TMEM132E: variants seen among roughly 807,000 people sequenced by gnomAD.
The protein encoded by TMEM132E is transmembrane protein 132E.
TMEM132E carries 49 observed loss-of-function variants against 78.5 expected under a neutral mutation model. That is an observed-to-expected ratio of 0.62 (90% CI 0.50 to 0.79). The LOEUF (loss-of-function observed/expected upper bound fraction) is 0.79, where lower values mean the gene tolerates loss of function less well. Ranked by LOEUF, TMEM132E falls within the 30% of genes least tolerant of loss-of-function variation. TMEM132E has a pLI of 0.00. For synonymous variants in TMEM132E, 715 were observed against 670.6 expected, an observed-to-expected ratio of 1.07 and a Z score of -1.02; for missense variants, 1,403 against 1,470.9, an observed-to-expected ratio of 0.95 and a Z score of 0.75.
At chr17:34,620,139 A>T (rs972712568) in intron 1 of TMEM132E, among the ~76,000 whole-genome samples, 2 of 152,128 alleles carry the variant, frequency 1.3e-5, no homozygotes, top group South Asian at 2.1e-4. Context: ...TTCCACAGAG[A>T]TTCATTTATG....
chr17:34,581,160 G>A lies in TMEM132E; in HGVS notation c.67+17G>A. 1 of 1,501,500 alleles carries A rather than the reference G, an allele frequency of 6.7e-7. No individual in the cohort carries two copies. The highest frequency in any genetic ancestry group is 1.4e-5 in the African/African-American group (1 of 69,556). 93.0% of individuals were successfully genotyped at this position (1,501,500 alleles called of 1,614,324 possible). A position where few individuals can be genotyped will look rare whatever the true frequency, so the allele number is the denominator to read the frequency against. On this transcript the variant is annotated intron_variant, in intron 1 of 8. Transcript: ENST00000631683. ...TCGCCCACGGTAAGTGTCGCGGCGC[G>A]GACTGGGGGTGAGGATGCGGCAGGC...
At position 34,638,257 on chromosome 17, in the gene TMEM132E, C is replaced by CT. The variant is rs768436787; in HGVS notation, c.*25_*26insT. On this transcript the variant is annotated 3_prime_UTR_variant, in exon 9 of 9. Transcript: ENST00000631683. The stretch of plus-strand genomic sequence containing the variant: ...GAGGCGCCAGCCGGAGTAGCAGGGA[C>CT]CCCCCCCCCCAACGGGGTCAGCTCG... 1.1e-4 allele frequency: 89 copies of CT among 785,168 alleles called. No homozygotes were observed. Among genetic ancestry groups the CT allele is most frequent in the Non-Finnish European group, 1.5e-4 (84 of 567,472 alleles). 48.6% of individuals were successfully genotyped at this position (785,168 alleles called of 1,614,324 possible). A position where few individuals can be genotyped will look rare whatever the true frequency, so the allele number is the denominator to read the frequency against.
At chr17:34,589,672 G>A (rs1005822833) in intron 1 of TMEM132E, among the ~76,000 whole-genome samples, 8 of 152,204 alleles carry the variant, frequency 5.3e-5, no homozygotes, top group African/African-American at 1.9e-4. Context: ...TGGGTTACCT[G>A]TTGCTCTGAC....
Position 34,615,559 on chromosome 17 carries a change from A to T in TMEM132E, c.68-10568A>T, listed in dbSNP as rs151218974. Among the ~76,000 whole-genome samples, 390 of 103,484 alleles carry T rather than the reference A, an allele frequency of 3.8e-3. 2 individuals carry two copies. Among genetic ancestry groups the T allele is most frequent in the African/African-American group, 0.012 (366 of 31,036 alleles). 67.9% of individuals were successfully genotyped at this position (103,484 alleles called of 152,430 possible). On this transcript the variant is annotated intron_variant, in intron 1 of 8. Transcript: ENST00000631683. ...TGTGTGTGTGTGTGTGTGTTAGCAC[A>T]ACCACCTCCCAGGGCCATCCCAGTC...
chr17:34,603,233 C>T lies in TMEM132E; in HGVS notation c.67+22090C>T, dbSNP rs1485049836. Among the ~76,000 whole-genome samples the T allele has an allele frequency of 5.3e-5, 8 of 152,118 alleles. No homozygotes were observed. In the South Asian group the frequency reaches 1.7e-3, roughly 32 times the overall value. On this transcript the variant is annotated intron_variant, in intron 1 of 8. Transcript: ENST00000631683. ...CTGGGGGATAAGGCAGTGTCTGTAT[C>T]AGATGTGTGTAACCTCAGATTCCTC... is the stretch of plus-strand genomic sequence containing the variant.
chr17:34,594,674 C>T (rs1226352281), intron 1 of TMEM132E, among the ~76,000 whole-genome samples: 3 of 152,132 alleles, frequency 2.0e-5, no homozygotes, highest in East Asian at 1.9e-4. Flanking sequence ...ACTGCAGCCT[C>T]GAACTCTTGG....
chr17:34,636,060 T>C lies in TMEM132E; in HGVS notation c.2031T>C (p.Thr677=). Residue 677 remains threonine, a synonymous_variant, in exon 8 of 9, where the codon ACT becomes ACC. Transcript: ENST00000631683. ...TCGGGGAGACGCTGCTGACGGTGAC[T>C]GAGGAGAAGGTCAGCATCACACAGC... ...AVLGETLLTV[T]EEKVSITQLQ... The C allele has an allele frequency of 6.3e-7, 1 of 1,578,832 alleles. No homozygotes were observed. The highest frequency in any genetic ancestry group is 8.6e-7 in the Non-Finnish European group (1 of 1,164,216).
Position 34,626,722 on chromosome 17 carries a change from C to G in TMEM132E, c.663C>G (p.Pro221=), listed in dbSNP as rs1907147669. 17 of 1,377,658 alleles carry G rather than the reference C, an allele frequency of 1.2e-5. No individual in the cohort carries two copies. In the South Asian group the frequency reaches 1.8e-4, roughly 15 times the overall value. 85.3% of individuals were successfully genotyped at this position (1,377,658 alleles called of 1,614,324 possible). A position where few individuals can be genotyped will look rare whatever the true frequency, so the allele number is the denominator to read the frequency against. The change falls in exon 2 of 9, where the codon CCC becomes CCG. Residue 221 remains proline (P), a synonymous_variant. Transcript: ENST00000631683. ...ARRKSPDGLE[P]EATGESQQAE... ...GCAAGTCCCCGGACGGGCTGGAGCC[C>G]GAGGCGACGGGGGAGAGCCAGCAGG...
intron 1 of TMEM132E, 146 bp downstream of exon 1, chr17:34,581,289 A>C (rs1597672355): frequency 1.1e-5 from 7 of 646,606 alleles, no homozygotes; most frequent in East Asian, 5.5e-5. Context: ...AGCTCGAGTT[A>C]CCGCCAGCCC....
At chr17:34,585,825 C>T (rs1351648990) in intron 1 of TMEM132E, among the ~76,000 whole-genome samples, 1 of 152,226 alleles carries the variant, frequency 6.6e-6, no homozygotes, top group Non-Finnish European at 1.5e-5. Context: ...TGACCTCCAG[C>T]TCTTTCAGTA....
At chr17:34,582,024 G>T (rs1905504306) in intron 1 of TMEM132E, among the ~76,000 whole-genome samples, 1 of 152,112 alleles carries the variant, frequency 6.6e-6, no homozygotes. Context: ...TCCAGGAGGC[G>T]AGGGGAGCAG....
chr17:34,626,431 G>T lies in TMEM132E; in HGVS notation c.372G>T (p.Trp124Cys). The T allele has an allele frequency of 6.2e-7, 1 of 1,613,380 alleles. No homozygotes were observed. The highest frequency in any genetic ancestry group is 8.5e-7 in the Non-Finnish European group (1 of 1,179,836). The change falls in exon 2 of 9, where the codon TGG becomes TGT. Residue 124 changes from tryptophan to cysteine, a missense_variant. This residue lies in a region of TMEM132E where 511 missense variants were observed against 499.0 expected (regional missense o/e 1.02). Transcript: ENST00000631683. The stretch of plus-strand genomic sequence containing the variant: ...TCCCCGAGCGCCTGACGGTGAACTG[G>T]AAGGTGCGGGCCTTCATCGTCCGCT... The part of the protein sequence containing the change: ...LDIPERLTVN[W>C]KVRAFIVRSH...
At chr17:34,626,036 TG>T in intron 1 of TMEM132E, 90 bp from the exon 2 acceptor site, 1 of 1,221,650 alleles carries the variant, frequency 8.2e-7, no homozygotes. Context: ...CAGCCCTCTG[TG>T]GGGTGGGAGA....
At chr17:34,636,508 A>G (rs775416533) in intron 8 of TMEM132E, among the ~76,000 whole-genome samples, 14 of 152,208 alleles carry the variant, frequency 9.2e-5, no homozygotes, top group Non-Finnish European at 1.6e-4. Context: ...TGGAGCCCCA[A>G]GTATACACCA....
chr17:34,631,703 A>C (rs895128388), intron 5 of TMEM132E, among the ~76,000 whole-genome samples: 1 of 152,134 alleles, frequency 6.6e-6, no homozygotes, highest in Non-Finnish European at 1.5e-5. Flanking sequence ...GCTCATCTCC[A>C]TGGATAAACC....
In TMEM132E at chr17:34,638,407, G is replaced by A; in HGVS notation, c.*175G>A. The A allele has an allele frequency of 1.5e-6, 1 of 659,224 alleles. No individual in the cohort carries two copies. The highest frequency in any genetic ancestry group is 2.5e-6 in the Non-Finnish European group (1 of 404,262). The allele number at this position is 659,224 out of a possible 1,614,324, so 40.8% of individuals were successfully genotyped here. A position where few individuals can be genotyped will look rare whatever the true frequency, so the allele number is the denominator to read the frequency against. ...CGCCTCAGTGTCTGGGCCTTCCCTC[G>A]CCTCACGCCATTACCCTCTTCTGCC... is the stretch of plus-strand genomic sequence containing the variant. On this transcript the variant is annotated 3_prime_UTR_variant, in exon 9 of 9. Transcript: ENST00000631683.
intron 1 of TMEM132E, among the ~76,000 whole-genome samples, chr17:34,607,220 C>T (rs1906443830): frequency 6.6e-6 from 1 of 152,220 alleles, no homozygotes; most frequent in South Asian, 2.1e-4. Flanking sequence ...TTAGGGAGAA[C>T]TTACTATGTA....
Position 34,637,988 on chromosome 17 carries a change from C to T in TMEM132E, c.2981C>T (p.Ser994Leu). 6.3e-7 allele frequency: 1 copy of T among 1,587,704 alleles called. No individual in the cohort carries two copies. Among genetic ancestry groups the T allele is most frequent in the Non-Finnish European group, 8.6e-7 (1 of 1,168,156 alleles). Residue 994 changes from serine to leucine, a missense_variant, in exon 9 of 9, where the codon TCA (serine) becomes TTA (leucine). Ser to Leu is a moderately radical substitution (Grantham distance 145, BLOSUM62 -2). Transcript: ENST00000631683. ...HGRGDGSSGGSARDQAEDPAS... is the reference protein window; with the variant it reads ...HGRGDGSSGGLARDQAEDPAS... ...AGGGGCGACGGCTCCTCGGGCGGCTCAGCCCGAGACCAAGCCGAGGACCCC... is the reference window on the plus strand; with the variant it reads ...AGGGGCGACGGCTCCTCGGGCGGCTTAGCCCGAGACCAAGCCGAGGACCCC...
chr17:34,637,219 A>G lies in TMEM132E; in HGVS notation c.2212A>G (p.Thr738Ala). 1 of 1,611,798 alleles carries G rather than the reference A, an allele frequency of 6.2e-7. No individual in the cohort carries two copies. Among genetic ancestry groups the G allele is most frequent in the Non-Finnish European group, 8.5e-7 (1 of 1,178,292 alleles). ...SLWLSYSDGT[T>A]APLSLYSPRD... ...CTGGCTCTCCTACAGTGATGGCACC[A>G]CAGCCCCACTCTCCCTCTACAGCCC... The change falls in exon 9 of 9, where the codon ACA becomes GCA. Residue 738 changes from threonine to alanine, a missense_variant. Thr to Ala is a moderately conservative substitution (Grantham distance 58). Transcript: ENST00000631683.
Sources: allele counts gnomAD v4.1 joint callset (sites outside exome capture counted in the v4.1 genomes callset), GRCh38; gene constraint gnomAD v4.1.1; regional missense constraint gnomAD v4.1.1; transcripts MANE v1.5; gene names NCBI Gene and HGNC (gene_info 2026-07-23, HGNC 2026-07-21).